The following SMOC2 variants were observed in gnomAD, a reference collection of about 807,000 sequenced individuals.
SMOC2 encodes SPARC related modular calcium binding 2.
Under a neutral mutation model 61.4 loss-of-function variants are expected in SMOC2, and 39 were observed. That is an observed-to-expected ratio of 0.64 (90% confidence interval 0.49 to 0.83). The LOEUF (loss-of-function observed/expected upper bound fraction) is 0.83, where lower values mean the gene tolerates loss of function less well. Among genes scored for constraint, SMOC2 ranks in the 40% least tolerant of loss-of-function variants. The probability of loss-of-function intolerance (pLI) is 0.00; values close to 1 mark genes in which losing one functional copy is unlikely to be tolerated. For synonymous variants in SMOC2, 247 were observed against 239.9 expected (o/e 1.03, Z -0.27); for missense variants, 556 against 592.9 (o/e 0.94, Z 0.65).
intron 1 of SMOC2, among the ~76,000 whole-genome samples, chr6:168,488,442 G>C (rs1428597650): frequency 6.6e-6 from 1 of 152,254 alleles, no homozygotes; most frequent in Non-Finnish European, 1.5e-5. Flanking sequence ...GAGGGTGCAG[G>C]TGTGAGATAG....
chr6:168,477,903 T>G (rs929066146), intron 1 of SMOC2, among the ~76,000 whole-genome samples: 6 of 152,180 alleles, frequency 3.9e-5, no homozygotes, highest in African/African-American at 1.4e-4. Flanking sequence ...ACTCGATTCT[T>G]CTTACGACCC....
At chr6:168,499,006 A>G (rs1782661409) in intron 1 of SMOC2, among the ~76,000 whole-genome samples, 1 of 142,026 alleles carries the variant, frequency 7.0e-6, no homozygotes, top group African/African-American at 2.7e-5. Context: ...CTGCACATGG[A>G]AACCCTGGGT....
At chr6:168,558,262 T>G (rs905733782) in intron 7 of SMOC2, among the ~76,000 whole-genome samples, 4 of 152,138 alleles carry the variant, frequency 2.6e-5, no homozygotes, top group African/African-American at 4.8e-5. Context: ...ATGTCAGGCA[T>G]GGGGAGGAGA....
intron 7 of SMOC2, among the ~76,000 whole-genome samples, chr6:168,596,100 C>A (rs1314010375): frequency 3.7e-4 from 31 of 83,874 alleles, no homozygotes; most frequent in Admixed American, 6.1e-4. Flanking sequence ...TGAACAAGCG[C>A]CACGTGAACA....
chr6:168,490,437 T>C (rs1453243869), intron 1 of SMOC2, among the ~76,000 whole-genome samples: 1 of 152,106 alleles, frequency 6.6e-6, no homozygotes, highest in Non-Finnish European at 1.5e-5. Flanking sequence ...CCAGGTGGGC[T>C]CCAGAGGGGA....
intron 1 of SMOC2, among the ~76,000 whole-genome samples, chr6:168,483,277 T>C (rs1184968519): frequency 6.6e-6 from 1 of 151,888 alleles, no homozygotes; most frequent in African/African-American, 2.4e-5. Context: ...CAAAAATCAA[T>C]TGCACTTCTG....
In SMOC2 at chr6:168,659,300, C is replaced by T. The variant is rs1001059149; in HGVS notation, c.1286-4774C>T. On this transcript the variant is annotated intron_variant, in intron 11 of 12. Transcript: ENST00000356284. The stretch of plus-strand genomic sequence containing the variant: ...CCCAAGGAGAAGAGGCCATGCTGTG[C>T]TGTCGGGGGCCACATGTGAAGCACC... Among the ~76,000 whole-genome samples, 9 of 152,240 alleles carry T rather than the reference C, an allele frequency of 5.9e-5. No individual in the cohort carries two copies. In the South Asian group the frequency reaches 1.0e-3, roughly 18 times the overall value.
chr6:168,614,000 G>A (rs1583161008), intron 9 of SMOC2, among the ~76,000 whole-genome samples: 2 of 71,914 alleles, frequency 2.8e-5, no homozygotes, highest in Non-Finnish European at 5.6e-5. Context: ...GCCAGCACAG[G>A]GCCTCTTCAC....
intron 8 of SMOC2, among the ~76,000 whole-genome samples, chr6:168,599,596 T>TACCCCCACACACCCACACAG (rs1785468909): frequency 8.7e-5 from 1 of 11,484 alleles, no homozygotes; most frequent in Non-Finnish European, 1.6e-4. Flanking sequence ...CACCCACACA[T>TACCCCCACACACCCACACAG]ACCCCCACAC....
chr6:168,501,998 G>T (rs747125585), intron 1 of SMOC2, among the ~76,000 whole-genome samples: 3 of 152,150 alleles, frequency 2.0e-5, no homozygotes, highest in Non-Finnish European at 4.4e-5. Context: ...ATCTTTCCCA[G>T]GCTTCCTGAA....
chr6:168,658,336 T>C (rs1181455697), intron 11 of SMOC2, among the ~76,000 whole-genome samples: 1 of 152,216 alleles, frequency 6.6e-6, no homozygotes, highest in African/African-American at 2.4e-5. Flanking sequence ...TGCATTTCTG[T>C]AGAAGGCTAA....
intron 9 of SMOC2, among the ~76,000 whole-genome samples, chr6:168,626,869 A>G (rs1786425059): frequency 6.6e-6 from 1 of 151,956 alleles, no homozygotes; most frequent in African/African-American, 2.4e-5. Context: ...GGTGATAGAG[A>G]CCCGGGGCCC....
At chr6:168,608,010 A>G in intron 8 of SMOC2, 147 bp from the exon 9 acceptor site, 1 of 670,890 alleles carries the variant, frequency 1.5e-6, no homozygotes, top group Admixed American at 2.9e-5. Flanking sequence ...GACAGAAAGG[A>G]GTGAGGAGGT....
intron 1 of SMOC2, among the ~76,000 whole-genome samples, chr6:168,494,087 G>C (rs1425482675): frequency 6.6e-6 from 1 of 152,170 alleles, no homozygotes; most frequent in Non-Finnish European, 1.5e-5. Flanking sequence ...TTCTTGGTTT[G>C]ACATTATTCC....
intron 11 of SMOC2, among the ~76,000 whole-genome samples, chr6:168,661,813 G>A (rs1239568308): frequency 6.6e-6 from 1 of 152,122 alleles, no homozygotes; most frequent in Non-Finnish European, 1.5e-5. Context: ...AATTTGAACC[G>A]TTGGCTGAAA....
At chr6:168,627,362 T>C (rs1370294515) in intron 9 of SMOC2, among the ~76,000 whole-genome samples, 1 of 152,214 alleles carries the variant, frequency 6.6e-6, no homozygotes, top group African/African-American at 2.4e-5. Flanking sequence ...GATTTCTCTC[T>C]TGTTTTAATA....
intron 1 of SMOC2, among the ~76,000 whole-genome samples, chr6:168,467,943 A>G (rs1005532612): frequency 6.6e-6 from 1 of 152,242 alleles, no homozygotes; most frequent in Admixed American, 6.5e-5. Context: ...CATATTGTAT[A>G]GTTTTGTATA....
chr6:168,464,924 C>T (rs1056662290), intron 1 of SMOC2, among the ~76,000 whole-genome samples: 1 of 151,272 alleles, frequency 6.6e-6, no homozygotes, highest in Non-Finnish European at 1.5e-5. Flanking sequence ...CTGGGCCTTC[C>T]AGGGGTGGCT....
chr6:168,555,546 G>C (rs1188896338), intron 7 of SMOC2, among the ~76,000 whole-genome samples: 1 of 152,166 alleles, frequency 6.6e-6, no homozygotes, highest in Non-Finnish European at 1.5e-5. Context: ...CCTGCTCCCC[G>C]TGGGATTTGG....
Sources: gnomAD v4.1 joint callset for allele counts (sites outside exome capture counted in the v4.1 genomes callset) on GRCh38, gnomAD v4.1.1 for gene constraint, MANE v1.5 for transcripts, NCBI Gene and HGNC (gene_info 2026-07-23, HGNC 2026-07-21) for gene names.